The following GRM1 variants were observed in gnomAD, a reference collection of about 807,000 sequenced individuals.
GRM1 encodes the protein glutamate metabotropic receptor 1.
GRM1 carries 33 observed loss-of-function variants against 90.9 expected under a neutral mutation model. The ratio of observed to expected loss-of-function variants is 0.36; its 90% confidence interval spans 0.28 to 0.49. The LOEUF (loss-of-function observed/expected upper bound fraction) is 0.49. GRM1 is among the 20% of genes least tolerant of loss of function. GRM1 has a pLI of 0.99. For missense variants in GRM1, 1,190 were observed against 1,534.3 expected, an observed-to-expected ratio of 0.78 and a Z score of 3.75; for synonymous variants, 700 against 613.2, an observed-to-expected ratio of 1.14 and a Z score of -2.09.
At chr6:146,110,191 G>C (rs1352785315) in intron 1 of GRM1, among the ~76,000 whole-genome samples, 1 of 152,146 alleles carries the variant, frequency 6.6e-6, no homozygotes, top group Non-Finnish European at 1.5e-5. Flanking sequence ...ATATGGTTTT[G>C]CTGTGTCTCC....
intron 7 of GRM1, among the ~76,000 whole-genome samples, chr6:146,428,432 C>T (rs1022697453): frequency 3.9e-5 from 6 of 152,110 alleles, no homozygotes; most frequent in African/African-American, 1.2e-4. Flanking sequence ...GTGAATTTTC[C>T]AGTTGCAGGA....
At chr6:146,297,743 T>C (rs1783231103) in intron 2 of GRM1, among the ~76,000 whole-genome samples, 1 of 151,970 alleles carries the variant, frequency 6.6e-6, no homozygotes, top group South Asian at 2.1e-4. Context: ...ATAAGAAAAA[T>C]AAATCAGTTT....
In GRM1 at chr6:146,267,702, GCTCGTCTCGTCTCGTCTCGT is replaced by G. The variant is rs1185232840; in HGVS notation, c.951-36870_951-36851del. ...GCTGGGCTCGGCTCGGCTCGGCTCG[GCTCGTCTCGTCTCGTCTCGT>G]CTCGTCTCGTCTCGTCTCGTCTCGT... is the stretch of plus-strand genomic sequence containing the variant. On this transcript the variant is annotated intron_variant, in intron 2 of 7. Coordinates refer to ENST00000282753, the MANE Select transcript of GRM1 (RefSeq NM_001278064.2). Among the ~76,000 whole-genome samples the G allele has an allele frequency of 5.0e-3, 434 of 86,040 alleles. 1 individual carries two copies. The highest frequency in any genetic ancestry group is 8.6e-3 in the South Asian group (21 of 2,428). The allele number at this position is 86,040 out of a possible 152,430, so 56.4% of individuals were successfully genotyped here.
chr6:146,402,057 T>C (rs1777176938), intron 7 of GRM1, among the ~76,000 whole-genome samples: 1 of 152,172 alleles, frequency 6.6e-6, no homozygotes, highest in Admixed American at 6.5e-5. Context: ...GATCTTGCTT[T>C]TGAGAGAAAA....
At position 146,088,176 on chromosome 6, in the gene GRM1, C is replaced by T. The variant is rs1226221247; in HGVS notation, c.700+57959C>T. Among the ~76,000 whole-genome samples the T allele has an allele frequency of 2.6e-5, 4 of 151,924 alleles. No homozygotes were observed. The South Asian group carries it at 8.3e-4, about 32-fold the overall frequency. ...TCACTGAGGTTTTGATTTGTGTTTC[C>T]CTAAAAGCTAGTGATAGTGAGCATC... is the stretch of plus-strand genomic sequence containing the variant. On this transcript the variant is annotated intron_variant, in intron 1 of 7. Coordinates refer to ENST00000282753, the MANE Select transcript of GRM1 (RefSeq NM_001278064.2).
intron 7 of GRM1, among the ~76,000 whole-genome samples, chr6:146,405,312 C>T (rs1187911721): frequency 1.3e-5 from 2 of 151,852 alleles, no homozygotes; most frequent in African/African-American, 2.4e-5. Context: ...GAAGAAATAC[C>T]GGGAAGAACA....
chr6:146,224,101 C>T (rs968029494), intron 2 of GRM1, among the ~76,000 whole-genome samples: 2 of 151,902 alleles, frequency 1.3e-5, no homozygotes, highest in African/African-American at 4.8e-5. Context: ...GTGTCATCGG[C>T]CAAGAAAAGC....
At chr6:146,212,758 AC>A (rs915767196) in intron 2 of GRM1, among the ~76,000 whole-genome samples, 6 of 152,120 alleles carry the variant, frequency 3.9e-5, no homozygotes, top group Non-Finnish European at 7.3e-5. Context: ...TTAGCTGTAT[AC>A]CCCCATTTGG....
intron 1 of GRM1, among the ~76,000 whole-genome samples, chr6:146,147,775 A>G (rs1777166589): frequency 6.6e-6 from 1 of 152,092 alleles, no homozygotes; most frequent in Admixed American, 6.6e-5. Context: ...TTTACAACAA[A>G]CAGAGAGGGG....
At chr6:146,341,170 C>T (rs1204176336) in intron 3 of GRM1, among the ~76,000 whole-genome samples, 1 of 152,118 alleles carries the variant, frequency 6.6e-6, no homozygotes, top group Non-Finnish European at 1.5e-5. Context: ...GTATCCATTG[C>T]TCATTCCTTC....
intron 2 of GRM1, among the ~76,000 whole-genome samples, chr6:146,191,744 G>T (rs147884744): frequency 6.6e-6 from 1 of 151,000 alleles, no homozygotes; most frequent in Non-Finnish European, 1.5e-5. Context: ...CTTCATTCCC[G>T]TATCCATCTT....
chr6:146,234,738 A>T (rs529474441), intron 2 of GRM1, among the ~76,000 whole-genome samples: 1 of 152,156 alleles, frequency 6.6e-6, no homozygotes, highest in South Asian at 2.1e-4. Flanking sequence ...TTTTATGTTT[A>T]TCTTGATTAC....
chr6:146,065,287 C>G (rs1486638457), intron 1 of GRM1, among the ~76,000 whole-genome samples: 7 of 152,124 alleles, frequency 4.6e-5, no homozygotes, highest in East Asian at 3.9e-4. Context: ...ATGTGTGAAC[C>G]ACGTTCAGAT....
At chr6:146,194,376 C>G (rs545570897) in intron 2 of GRM1, among the ~76,000 whole-genome samples, 2 of 152,240 alleles carry the variant, frequency 1.3e-5, no homozygotes, top group South Asian at 2.1e-4. Flanking sequence ...TTACCTTAAG[C>G]CTTCAAATCA....
chr6:146,247,810 A>G (rs1179147700), intron 2 of GRM1, among the ~76,000 whole-genome samples: 1 of 147,714 alleles, frequency 6.8e-6, no homozygotes, highest in African/African-American at 2.5e-5. Context: ...GTGTGTATAT[A>G]TATATATATA....
chr6:146,248,948 G>A (rs1172921075), intron 2 of GRM1, among the ~76,000 whole-genome samples: 2 of 152,136 alleles, frequency 1.3e-5, no homozygotes, highest in African/African-American at 4.8e-5. Context: ...TTTTTCCCCT[G>A]CCCTAGAGAT....
intron 1 of GRM1, among the ~76,000 whole-genome samples, chr6:146,079,167 G>A (rs913794683): frequency 6.6e-6 from 1 of 152,172 alleles, no homozygotes; most frequent in Non-Finnish European, 1.5e-5. Flanking sequence ...TTTTTACTTG[G>A]CTGTCTCAAT....
chr6:146,319,872 G>A lies in GRM1; in HGVS notation c.1186+15026G>A, dbSNP rs149228589. 9.0e-3 allele frequency among the ~76,000 whole-genome samples: 1,374 copies of A among 152,270 alleles called. 12 individuals are homozygous for A. The highest frequency in any genetic ancestry group is 0.013 in the Non-Finnish European group (897 of 68,006). ...GCTTAAGGAGTTTTTGGGCTGAGTC[G>A]ATGGGGTTTTCTAAATATACAATCA... On this transcript the variant is annotated intron_variant, in intron 3 of 7. Transcript: ENST00000282753.
At chr6:146,372,675 T>C (rs1183892552) in intron 5 of GRM1, among the ~76,000 whole-genome samples, 2 of 152,166 alleles carry the variant, frequency 1.3e-5, no homozygotes, top group African/African-American at 2.4e-5. Context: ...TTCTTCTGCA[T>C]AGGAAAATCC....
Sources: gnomAD v4.1 joint callset for allele counts (sites outside exome capture counted in the v4.1 genomes callset) on GRCh38, gnomAD v4.1.1 for gene constraint, MANE v1.5 for transcripts, NCBI Gene and HGNC (gene_info 2026-07-23, HGNC 2026-07-21) for gene names.